Variants in GRM5 observed in about 807,000 individuals in gnomAD.
GRM5 encodes metabotropic glutamate receptor 5.
In GRM5, 19 loss-of-function variants were observed where a neutral mutation model predicts 83.1. The ratio of observed to expected loss-of-function variants is 0.23; its 90% CI spans 0.16 to 0.34. GRM5 has a LOEUF of 0.34. Ranked by LOEUF, GRM5 falls within the 10% of genes least tolerant of loss-of-function variation. The probability of loss-of-function intolerance (pLI) is 1.00; values close to 1 mark genes in which losing one functional copy is unlikely to be tolerated. For synonymous variants in GRM5, 675 were observed against 633.6 expected (o/e 1.07, Z -0.98); for missense variants, 1,160 against 1,588.3 (o/e 0.73, Z 4.58).
intron 2 of GRM5, among the ~76,000 whole-genome samples, chr11:88,907,655 G>A (rs1945428338): frequency 6.6e-6 from 1 of 152,128 alleles, no homozygotes; most frequent in South Asian, 2.1e-4. Context: ...TGGGAGAGCA[G>A]AATAACTTAA....
chr11:88,876,023 A>G (rs1210247355), intron 2 of GRM5, among the ~76,000 whole-genome samples: 1 of 152,018 alleles, frequency 6.6e-6, no homozygotes, highest in Admixed American at 6.6e-5. Context: ...CTAACAAGAG[A>G]GTCAGCCGTC....
At chr11:88,860,434 T>C (rs1051643260) in intron 2 of GRM5, among the ~76,000 whole-genome samples, 10 of 152,104 alleles carry the variant, frequency 6.6e-5, no homozygotes, top group Admixed American at 4.6e-4. Flanking sequence ...ATGGGTCGGG[T>C]GGATCGGTGA....
At chr11:88,686,908 C>T (rs1393134359) in intron 3 of GRM5, among the ~76,000 whole-genome samples, 1 of 152,074 alleles carries the variant, frequency 6.6e-6, no homozygotes, top group Non-Finnish European at 1.5e-5. Context: ...CCAGATTTTG[C>T]CTCCTATTAC....
chr11:88,612,211 T>G (rs1276730251), intron 4 of GRM5, among the ~76,000 whole-genome samples: 1 of 146,860 alleles, frequency 6.8e-6, no homozygotes, highest in Non-Finnish European at 1.5e-5. Context: ...AGTGAGAATA[T>G]GTGGTGTTTG....
intron 8 of GRM5, among the ~76,000 whole-genome samples, chr11:88,560,547 A>AT (rs1040813298): frequency 3.9e-4 from 59 of 152,134 alleles, no homozygotes; most frequent in East Asian, 7.7e-4. Flanking sequence ...GAAAGAAAGC[A>AT]TTTTTTTTCT....
chr11:88,744,150 A>C (rs1289550485), intron 3 of GRM5, among the ~76,000 whole-genome samples: 1 of 152,148 alleles, frequency 6.6e-6, no homozygotes, highest in African/African-American at 2.4e-5. Context: ...TAGTTAGATA[A>C]ATAACTTTGC....
At chr11:88,834,322 TTAAG>T (rs774598506) in intron 3 of GRM5, among the ~76,000 whole-genome samples, 3 of 152,146 alleles carry the variant, frequency 2.0e-5, no homozygotes, top group South Asian at 2.1e-4. Flanking sequence ...TAAAGTAAAA[TTAAG>T]TAAGAAAACA....
At chr11:88,813,165 T>C (rs1590877115) in intron 3 of GRM5, among the ~76,000 whole-genome samples, 1 of 152,218 alleles carries the variant, frequency 6.6e-6, no homozygotes, top group Non-Finnish European at 1.5e-5. Flanking sequence ...AAGAAACTGC[T>C]GATTCTTACC....
intron 2 of GRM5, among the ~76,000 whole-genome samples, chr11:88,971,473 T>A (rs143794568): frequency 2.6e-5 from 4 of 152,196 alleles, no homozygotes; most frequent in Non-Finnish European, 5.9e-5. Flanking sequence ...TTTTTTCCCC[T>A]TCTTTGCATC....
At chr11:88,978,311 A>C (rs1392467865) in intron 2 of GRM5, among the ~76,000 whole-genome samples, 1 of 151,972 alleles carries the variant, frequency 6.6e-6, no homozygotes, top group Non-Finnish European at 1.5e-5. Flanking sequence ...GGTTGTGCTG[A>C]TGGTTTCATG....
intron 3 of GRM5, among the ~76,000 whole-genome samples, chr11:88,769,243 G>A (rs2135447816): frequency 6.6e-6 from 1 of 152,110 alleles, no homozygotes; most frequent in African/African-American, 2.4e-5. Flanking sequence ...TGATCCATAT[G>A]GTAATTGTTT....
At chr11:88,523,041 C>T (rs1341736942) in intron 9 of GRM5, 1 of 152,186 alleles carries the variant, frequency 6.6e-6, no homozygotes, top group Non-Finnish European at 1.5e-5. Context: ...TCAATTAAGA[C>T]AGCCTTGAGC....
intron 3 of GRM5, among the ~76,000 whole-genome samples, chr11:88,733,259 C>T (rs1410898985): frequency 6.6e-6 from 1 of 151,960 alleles, no homozygotes; most frequent in Non-Finnish European, 1.5e-5. Flanking sequence ...TTGAGTATAA[C>T]AGCTGCCAAT....
intron 2 of GRM5, among the ~76,000 whole-genome samples, chr11:88,875,194 C>T (rs372715979): frequency 1.3e-5 from 2 of 151,920 alleles, no homozygotes; most frequent in Middle Eastern, 3.4e-3. Context: ...AACCCTGCTG[C>T]TGCTTTATTA....
At chr11:88,590,786 T>C in intron 6 of GRM5, 59 bp from the exon 7 acceptor site, 1 of 1,369,026 alleles carries the variant, frequency 7.3e-7, no homozygotes, top group Non-Finnish European at 1.0e-6. Flanking sequence ...CCAACAATTC[T>C]ATATTCCAAT....
At chr11:88,816,214 C>G (rs1362292184) in intron 3 of GRM5, among the ~76,000 whole-genome samples, 4 of 87,836 alleles carry the variant, frequency 4.6e-5, no homozygotes, top group African/African-American at 2.3e-4. Context: ...AGCGAGACTC[C>G]GTCTCAAAAA....
intron 1 of GRM5, among the ~76,000 whole-genome samples, chr11:89,056,434 G>T (rs1205693057): frequency 6.6e-6 from 1 of 152,182 alleles, no homozygotes; most frequent in African/African-American, 2.4e-5. Flanking sequence ...TCTAGTAAAA[G>T]AAAAGATGAA....
chr11:88,612,517 G>C (rs1373640885), intron 4 of GRM5, among the ~76,000 whole-genome samples: 1 of 152,124 alleles, frequency 6.6e-6, no homozygotes, highest in African/African-American at 2.4e-5. Flanking sequence ...GGTATTTCTA[G>C]TTCTAGATCC....
At chr11:88,630,362 T>C (rs1047363198) in intron 4 of GRM5, among the ~76,000 whole-genome samples, 2 of 152,190 alleles carry the variant, frequency 1.3e-5, no homozygotes, top group Admixed American at 6.5e-5. Context: ...AGTTATTCAA[T>C]AAGTATTTGC....
Sources: allele counts gnomAD v4.1 joint callset (sites outside exome capture counted in the v4.1 genomes callset), GRCh38; gene constraint gnomAD v4.1.1; transcripts MANE v1.5; gene names NCBI Gene and HGNC (gene_info 2026-07-23, HGNC 2026-07-21).